The following TMEM117 variants were observed in gnomAD, a reference collection of about 807,000 sequenced individuals.
The protein encoded by TMEM117 is transmembrane protein 117.
In TMEM117, 27 loss-of-function variants were observed where a neutral mutation model predicts 52.4. The observed-to-expected ratio is 0.51, with a 90% CI of 0.38 to 0.71. The LOEUF (loss-of-function observed/expected upper bound fraction) is 0.71, where lower values mean the gene tolerates loss of function less well. TMEM117 is among the 30% of genes least tolerant of loss of function. The probability of loss-of-function intolerance (pLI) is 0.00; values close to 1 mark genes in which losing one functional copy is unlikely to be tolerated. For missense variants in TMEM117, 556 were observed against 630.5 expected (o/e 0.88, Z 1.26); for synonymous variants, 215 against 206.3 (o/e 1.04, Z -0.36).
At chr12:43,806,145 C>A in the TMEM117 span, 2 of 1,531,320 alleles carry the variant, frequency 1.3e-6, no homozygotes, top group Non-Finnish European at 8.7e-7. Context: ...TCCAGCCCTG[C>A]CGGTCCTGCA....
At chr12:43,978,431 T>C (rs1177202481) in intron 3 of TMEM117, among the ~76,000 whole-genome samples, 1 of 152,156 alleles carries the variant, frequency 6.6e-6, no homozygotes, top group East Asian at 1.9e-4. Context: ...GGGCCAATAT[T>C]AAGGCTCTAA....
chr12:43,867,687 A>G (rs1324412982), intron 2 of TMEM117, among the ~76,000 whole-genome samples: 1 of 151,998 alleles, frequency 6.6e-6, no homozygotes, highest in Non-Finnish European at 1.5e-5. Flanking sequence ...ATATGTTAAT[A>G]TCAGACAAAA....
chr12:44,077,724 C>T (rs1947404103), intron 3 of TMEM117, among the ~76,000 whole-genome samples: 1 of 152,100 alleles, frequency 6.6e-6, no homozygotes, highest in Non-Finnish European at 1.5e-5. Flanking sequence ...GATAATTTCA[C>T]CTGCAATTGT....
chr12:43,838,480 T>C (rs1250657658), intron 1 of TMEM117, among the ~76,000 whole-genome samples: 1 of 151,866 alleles, frequency 6.6e-6, no homozygotes, highest in African/African-American at 2.4e-5. Flanking sequence ...ATTTATCCTT[T>C]TGCAGATTTG....
chr12:44,295,776 T>C (rs956834945), intron 5 of TMEM117, among the ~76,000 whole-genome samples: 8 of 152,172 alleles, frequency 5.3e-5, no homozygotes, highest in South Asian at 4.1e-4. Context: ...TTCCATCCCA[T>C]TGATCTTCTT....
At chr12:44,233,023 A>T (rs1949951898) in intron 5 of TMEM117, among the ~76,000 whole-genome samples, 1 of 151,314 alleles carries the variant, frequency 6.6e-6, no homozygotes, top group Admixed American at 6.6e-5. Context: ...TTAATGATTT[A>T]TATGCAGTTT....
chr12:44,027,830 C>A (rs1946568677), intron 3 of TMEM117, among the ~76,000 whole-genome samples: 1 of 152,116 alleles, frequency 6.6e-6, no homozygotes, highest in African/African-American at 2.4e-5. Context: ...GGCCTTTGGA[C>A]CCCTCGTGTT....
intron 6 of TMEM117, among the ~76,000 whole-genome samples, chr12:44,303,903 A>C (rs1405840893): frequency 6.6e-6 from 1 of 152,218 alleles, no homozygotes; most frequent in Admixed American, 6.5e-5. Flanking sequence ...AAAAAGAGTT[A>C]AAATATGTTT....
At chr12:44,121,169 C>G (rs1429678162) in intron 3 of TMEM117, among the ~76,000 whole-genome samples, 1 of 152,158 alleles carries the variant, frequency 6.6e-6, no homozygotes, top group Non-Finnish European at 1.5e-5. Context: ...CTCCATGATT[C>G]CATTTTCTCC....
intron 5 of TMEM117, among the ~76,000 whole-genome samples, chr12:44,298,474 A>G (rs1053911322): frequency 2.0e-5 from 3 of 150,672 alleles, no homozygotes; most frequent in African/African-American, 7.5e-5. Flanking sequence ...TAGCCCTGAA[A>G]AGCACAGGCT....
chr12:44,360,534 TC>T (rs773392412), intron 6 of TMEM117, among the ~76,000 whole-genome samples: 4 of 149,726 alleles, frequency 2.7e-5, no homozygotes, highest in Non-Finnish European at 4.4e-5. Flanking sequence ...ACCACTGCAC[TC>T]CAGCCTGGGT....
intron 6 of TMEM117, among the ~76,000 whole-genome samples, chr12:44,348,934 G>A (rs1592709931): frequency 6.6e-6 from 1 of 151,984 alleles, no homozygotes. Context: ...TTGTCAGAGA[G>A]ATGATTCCTT....
At chr12:44,379,116 T>A (rs1565776217) in intron 7 of TMEM117, among the ~76,000 whole-genome samples, 1 of 143,362 alleles carries the variant, frequency 7.0e-6, no homozygotes, top group Non-Finnish European at 1.5e-5. Context: ...AACTCATCTC[T>A]AAAAAAAAAT....
At chr12:44,138,331 T>G (rs1356949782) in intron 3 of TMEM117, among the ~76,000 whole-genome samples, 1 of 152,112 alleles carries the variant, frequency 6.6e-6, no homozygotes, top group Non-Finnish European at 1.5e-5. Flanking sequence ...AGCATAGATT[T>G]GAGAGCCTTT....
chr12:43,966,178 G>A (rs552490014), intron 3 of TMEM117, among the ~76,000 whole-genome samples: 3 of 152,286 alleles, frequency 2.0e-5, no homozygotes, highest in African/African-American at 7.2e-5. Flanking sequence ...TTGATTGCAT[G>A]TCTTTGCTAT....
chr12:44,288,316 T>C (rs750908122), intron 5 of TMEM117, among the ~76,000 whole-genome samples: 6 of 152,220 alleles, frequency 3.9e-5, no homozygotes, highest in Non-Finnish European at 7.4e-5. Context: ...TATGCATTGA[T>C]ATTTAATGAT....
chr12:44,303,865 G>C (rs1287200299), intron 6 of TMEM117, among the ~76,000 whole-genome samples: 1 of 152,106 alleles, frequency 6.6e-6, no homozygotes, highest in Non-Finnish European at 1.5e-5. Flanking sequence ...AATTACACTT[G>C]TACCCCATAA....
chr12:43,905,442 A>G (rs1367485090), intron 2 of TMEM117, among the ~76,000 whole-genome samples: 3 of 152,206 alleles, frequency 2.0e-5, no homozygotes, highest in African/African-American at 4.8e-5. Flanking sequence ...CCTGGCAGAC[A>G]CCGTGGCTGA....
At chr12:44,064,470 C>G (rs1054871760) in intron 3 of TMEM117, among the ~76,000 whole-genome samples, 37 of 152,098 alleles carry the variant, frequency 2.4e-4, no homozygotes, top group Admixed American at 1.3e-4. Flanking sequence ...TAAAGTTATT[C>G]AGATTGAAAG....
Sources: gnomAD v4.1 joint callset for allele counts (sites outside exome capture counted in the v4.1 genomes callset) on GRCh38, gnomAD v4.1.1 for gene constraint, MANE v1.5 for transcripts, NCBI Gene and HGNC (gene_info 2026-07-23, HGNC 2026-07-21) for gene names.